Variants in GPC6 observed in about 807,000 individuals in gnomAD.
GPC6 encodes the protein glypican-6.
Under a neutral mutation model 55.2 loss-of-function variants are expected in GPC6, and 14 were observed. The ratio of observed to expected loss-of-function variants is 0.25; its 90% confidence interval spans 0.17 to 0.40. The LOEUF is 0.40. Ranked by LOEUF, GPC6 falls within the 10% of genes least tolerant of loss-of-function variation. The pLI, the probability that GPC6 is intolerant of heterozygous loss-of-function variation, is 1.00. For missense variants in GPC6, 641 were observed against 708.5 expected (o/e 0.90, Z 1.08); for synonymous variants, 278 against 259.6 (o/e 1.07, Z -0.68).
intron 4 of GPC6, among the ~76,000 whole-genome samples, chr13:94,212,952 T>C (rs1015029591): frequency 3.3e-5 from 5 of 152,148 alleles, no homozygotes; most frequent in Non-Finnish European, 7.4e-5. Context: ...GGTCAGGAGT[T>C]TGAGACCAGC....
chr13:93,269,657 G>A (rs1446500725), intron 1 of GPC6, among the ~76,000 whole-genome samples: 1 of 151,816 alleles, frequency 6.6e-6, no homozygotes, highest in African/African-American at 2.4e-5. Context: ...CGGACACGGT[G>A]GCTCACGCCT....
At chr13:93,349,544 T>A (rs989837123) in intron 1 of GPC6, among the ~76,000 whole-genome samples, 5 of 152,172 alleles carry the variant, frequency 3.3e-5, no homozygotes, top group African/African-American at 1.2e-4. Flanking sequence ...TGTAGGCTGA[T>A]ACATCCGATC....
intron 2 of GPC6, among the ~76,000 whole-genome samples, chr13:93,788,518 TACACAC>T (rs71203703): frequency 3.4e-5 from 5 of 147,930 alleles, no homozygotes; most frequent in African/African-American, 5.0e-5. Context: ...GTTCACTCTT[TACACAC>T]ACACACACAC....
At chr13:93,721,843 C>G (rs1204848273) in intron 2 of GPC6, among the ~76,000 whole-genome samples, 1 of 151,592 alleles carries the variant, frequency 6.6e-6, no homozygotes, top group Non-Finnish European at 1.5e-5. Context: ...CATATTAAGG[C>G]AATCTTTTGC....
chr13:93,808,760 G>T (rs1328467850), intron 2 of GPC6, among the ~76,000 whole-genome samples: 1 of 152,150 alleles, frequency 6.6e-6, no homozygotes, highest in Non-Finnish European at 1.5e-5. Context: ...ACTCTTTATG[G>T]TGAGCTTGAG....
intron 3 of GPC6, among the ~76,000 whole-genome samples, chr13:93,923,077 TAA>T (rs980016370): frequency 2.6e-5 from 4 of 152,192 alleles, no homozygotes; most frequent in African/African-American, 7.2e-5. Context: ...GACATCATGC[TAA>T]AAGACATGAC....
chr13:93,879,707 G>A (rs2140308635), intron 3 of GPC6, among the ~76,000 whole-genome samples: 1 of 151,970 alleles, frequency 6.6e-6, no homozygotes, highest in African/African-American at 2.4e-5. Context: ...AGCCAAAATT[G>A]ACAAATGGGA....
At chr13:93,810,332 T>C (rs983146958) in intron 2 of GPC6, among the ~76,000 whole-genome samples, 3 of 152,318 alleles carry the variant, frequency 2.0e-5, no homozygotes, top group Non-Finnish European at 4.4e-5. Context: ...CTGTCCCCAT[T>C]GTTGTGTTGT....
chr13:94,302,909 G>A (rs1439775446), intron 5 of GPC6, among the ~76,000 whole-genome samples: 2 of 152,342 alleles, frequency 1.3e-5, no homozygotes, highest in African/African-American at 4.8e-5. Flanking sequence ...GGAATCCAGC[G>A]ACTAGTGCTT....
chr13:93,527,565 G>C (rs1881704384), intron 1 of GPC6, among the ~76,000 whole-genome samples: 1 of 152,062 alleles, frequency 6.6e-6, no homozygotes, highest in African/African-American at 2.4e-5. Context: ...AAAGCCCTAG[G>C]TTGGAAAGGA....
chr13:94,266,151 C>CTTTTTTTTTTTTTTTTTT (rs111623457), intron 4 of GPC6, among the ~76,000 whole-genome samples: 1 of 142,818 alleles, frequency 7.0e-6, no homozygotes. Flanking sequence ...CTTTTCTTTT[C>CTTTTTTTTTTTTTTTTTT]TTTTTTTTTT....
chr13:93,809,952 C>G (rs1312519152), intron 2 of GPC6, among the ~76,000 whole-genome samples: 4 of 152,200 alleles, frequency 2.6e-5, no homozygotes, highest in Admixed American at 2.6e-4. Context: ...GACCTCAGAT[C>G]TCTTCCATGG....
intron 1 of GPC6, among the ~76,000 whole-genome samples, chr13:93,539,317 C>T (rs1047054744): frequency 2.0e-5 from 3 of 152,204 alleles, no homozygotes; most frequent in South Asian, 2.1e-4. Context: ...TTTCACAACT[C>T]GCAGTGTTCC....
chr13:93,819,282 T>G, intron 2 of GPC6, among the ~76,000 whole-genome samples: 1 of 152,340 alleles, frequency 6.6e-6, no homozygotes, highest in Non-Finnish European at 1.5e-5. Context: ...CCTTGGTGGT[T>G]TGTTCTTGGA....
intron 1 of GPC6, among the ~76,000 whole-genome samples, chr13:93,246,732 C>T (rs1876614156): frequency 7.9e-6 from 1 of 126,482 alleles, no homozygotes; most frequent in Non-Finnish European, 1.5e-5. Flanking sequence ...GCGGAGCTTG[C>T]AGTGAGCCGA....
chr13:93,932,973 C>CTTTTTT (rs59362571), intron 3 of GPC6, among the ~76,000 whole-genome samples: 3 of 102,382 alleles, frequency 2.9e-5, no homozygotes, highest in African/African-American at 7.3e-5. Context: ...TTGTTTTGTT[C>CTTTTTT]TTTTTTTTTT....
chr13:94,305,588 G>A (rs1875902396), intron 5 of GPC6, among the ~76,000 whole-genome samples: 1 of 152,158 alleles, frequency 6.6e-6, no homozygotes, highest in African/African-American at 2.4e-5. Flanking sequence ...CTGAAATAAG[G>A]AGAGTGTCTT....
intron 3 of GPC6, among the ~76,000 whole-genome samples, chr13:93,850,164 G>A (rs1405863449): frequency 6.6e-6 from 1 of 151,960 alleles, no homozygotes; most frequent in Non-Finnish European, 1.5e-5. Context: ...TTTGGCCAGG[G>A]TAATTTTGGC....
intron 1 of GPC6, among the ~76,000 whole-genome samples, chr13:93,518,465 T>C (rs1178167954): frequency 1.3e-5 from 2 of 151,980 alleles, no homozygotes; most frequent in Non-Finnish European, 2.9e-5. Flanking sequence ...ACCTCTCTCA[T>C]CCTTAGCTTC....
Sources: gnomAD v4.1 joint callset for allele counts (sites outside exome capture counted in the v4.1 genomes callset) on GRCh38, gnomAD v4.1.1 for gene constraint, MANE v1.5 for transcripts, NCBI Gene and HGNC (gene_info 2026-07-23, HGNC 2026-07-21) for gene names.